Variants in NUDCD3 observed in about 807,000 individuals in gnomAD.
The protein encoded by NUDCD3 is NudC domain containing 3, also known as nudC domain-containing protein 3.
In NUDCD3, 13 loss-of-function variants were observed where a neutral mutation model predicts 39.7. The observed-to-expected ratio is 0.33, with a 90% CI of 0.21 to 0.52. The LOEUF is 0.52. Among genes scored for constraint, NUDCD3 ranks in the 20% least tolerant of loss-of-function variants. The pLI, the probability that NUDCD3 is intolerant of heterozygous loss-of-function variation, is 0.96. For synonymous variants in NUDCD3, 175 were observed against 172.4 expected, an observed-to-expected ratio of 1.02 and a Z score of -0.12; for missense variants, 453 against 458.1, an observed-to-expected ratio of 0.99 and a Z score of 0.10.
At chr7:44,456,028 A>AC (rs1384443738) in intron 2 of NUDCD3, among the ~76,000 whole-genome samples, 2 of 108,510 alleles carry the variant, frequency 1.8e-5, no homozygotes, top group Admixed American at 8.1e-5. Flanking sequence ...TCCGTCTCAA[A>AC]AAAAAAAAAA....
Position 44,485,113 on chromosome 7 carries a change from T to C in NUDCD3, c.364A>G (p.Thr122Ala). ...PVQEIEIDST[T>A]ELDGHQEVEK... ...ACTTCCTGATGCCCATCCAATTCTGTGGTGGAGTCAATCTCTATTTCCTGG... is the reference window on the plus strand; with the variant it reads ...ACTTCCTGATGCCCATCCAATTCTGCGGTGGAGTCAATCTCTATTTCCTGG... The change falls in exon 2 of 6, where the codon ACA (threonine) becomes GCA (alanine). Residue 122 changes from threonine (T) to alanine (A), a missense_variant. Coordinates refer to ENST00000355451, the MANE Select transcript of NUDCD3 (RefSeq NM_015332.4). The C allele has an allele frequency of 1.2e-6, 2 of 1,614,164 alleles. No homozygotes were observed. Among genetic ancestry groups the C allele is most frequent in the Non-Finnish European group, 1.7e-6 (2 of 1,180,022 alleles).
In NUDCD3 at chr7:44,452,198, T is replaced by C. The variant is rs951642220; in HGVS notation, c.510-24495A>G. ...TGGCTCACACCTGTAATCCCAGCACTTTGGGAGGCCAAGGCAGGATGATCG... is the reference window on the plus strand; with the variant it reads ...TGGCTCACACCTGTAATCCCAGCACCTTGGGAGGCCAAGGCAGGATGATCG... On this transcript the variant is annotated intron_variant, in intron 2 of 5. Coordinates refer to ENST00000355451, the MANE Select transcript of NUDCD3 (RefSeq NM_015332.4). Among the ~76,000 whole-genome samples, 6 of 152,200 alleles carry C rather than the reference T, an allele frequency of 3.9e-5. No homozygotes were observed. The South Asian group carries it at 1.0e-3, about 26-fold the overall frequency.
At chr7:44,447,537 G>C (rs1002849585) in intron 2 of NUDCD3, among the ~76,000 whole-genome samples, 1 of 152,144 alleles carries the variant, frequency 6.6e-6, no homozygotes, top group East Asian at 1.9e-4. Context: ...CTGTCACCAC[G>C]TGAGGACACA....
chr7:44,485,258 G>A lies in NUDCD3; in HGVS notation c.219C>T (p.Ala73=), dbSNP rs374771298. The A allele has an allele frequency of 1.2e-5, 19 of 1,612,772 alleles. No homozygotes were observed. In the African/African-American group the frequency reaches 1.6e-4, roughly 14 times the overall value. Residue 73 remains alanine, a synonymous_variant, in exon 2 of 6, where the codon GCC becomes GCT. Transcript: ENST00000355451. ...LQVFKTFDHM[A]RQDDEKRRQE... is the part of the protein sequence containing the mutation. Reference sequence around the variant, plus strand: ...GCCTTCTCTTCTCATCATCCTGACGGGCCATGTGGTCAAAGGTTTTGAATA... The same window carrying A: ...GCCTTCTCTTCTCATCATCCTGACGAGCCATGTGGTCAAAGGTTTTGAATA...
intron 2 of NUDCD3, among the ~76,000 whole-genome samples, chr7:44,437,107 T>C (rs1417466293): frequency 6.7e-6 from 1 of 149,274 alleles, no homozygotes; most frequent in Non-Finnish European, 1.5e-5. Context: ...ACTTGCTCTG[T>C]CATCCAGGCT....
chr7:44,392,895 C>G (rs938663452), intron 4 of NUDCD3, among the ~76,000 whole-genome samples: 1 of 152,124 alleles, frequency 6.6e-6, no homozygotes, highest in Non-Finnish European at 1.5e-5. Flanking sequence ...CCAGCCTGCC[C>G]CCATGCTTGC....
chr7:44,485,878 T>C (rs1224478958), intron 1 of NUDCD3, among the ~76,000 whole-genome samples: 1 of 152,166 alleles, frequency 6.6e-6, no homozygotes, highest in Non-Finnish European at 1.5e-5. Context: ...TTCTTAACAT[T>C]TTCTGGGAAA....
At chr7:44,469,719 T>C (rs1363838486) in intron 2 of NUDCD3, among the ~76,000 whole-genome samples, 1 of 151,708 alleles carries the variant, frequency 6.6e-6, no homozygotes, top group Non-Finnish European at 1.5e-5. Context: ...CATGACACAC[T>C]AAGGGCCCAC....
intron 3 of NUDCD3, among the ~76,000 whole-genome samples, chr7:44,409,091 G>C (rs183551559): frequency 6.6e-6 from 1 of 152,186 alleles, no homozygotes; most frequent in Non-Finnish European, 1.5e-5. Flanking sequence ...TAAAATGTCC[G>C]TGGGGGCTTT....
intron 3 of NUDCD3, among the ~76,000 whole-genome samples, chr7:44,424,834 C>T (rs985932858): frequency 6.6e-5 from 10 of 152,148 alleles, no homozygotes; most frequent in African/African-American, 2.4e-4. Flanking sequence ...TATAAAGATA[C>T]ATGCACATGT....
chr7:44,462,945 CTGTG>C (rs3138779), intron 2 of NUDCD3, among the ~76,000 whole-genome samples: 23,389 of 146,580 alleles, frequency 0.16, 2,007 homozygotes, highest in African/African-American at 0.24. Flanking sequence ...CACAACCAGG[CTGTG>C]TGTGTGTGTG....
At chr7:44,435,445 G>A (rs969583351) in intron 2 of NUDCD3, among the ~76,000 whole-genome samples, 1 of 152,144 alleles carries the variant, frequency 6.6e-6, no homozygotes, top group African/African-American at 2.4e-5. Flanking sequence ...AATAAATAAA[G>A]TCCACAATGG....
intron 3 of NUDCD3, among the ~76,000 whole-genome samples, chr7:44,412,792 T>C (rs1269589431): frequency 6.6e-6 from 1 of 151,842 alleles, no homozygotes; most frequent in African/African-American, 2.4e-5. Context: ...TTGGGCGTAG[T>C]GGCAGGCGCC....
chr7:44,432,993 G>C (rs549478340), intron 2 of NUDCD3, among the ~76,000 whole-genome samples: 1 of 152,330 alleles, frequency 6.6e-6, no homozygotes, highest in East Asian at 1.9e-4. Flanking sequence ...GCCTTTAGAA[G>C]GTGATTAGGT....
At chr7:44,462,602 G>A (rs972484346) in intron 2 of NUDCD3, among the ~76,000 whole-genome samples, 1 of 152,196 alleles carries the variant, frequency 6.6e-6, no homozygotes, top group South Asian at 2.1e-4. Flanking sequence ...CTCAAAGGGA[G>A]GGTAGGCCCT....
chr7:44,391,525 G>A (rs568860526), intron 5 of NUDCD3, among the ~76,000 whole-genome samples: 156 of 152,174 alleles, frequency 1.0e-3, no homozygotes, highest in Non-Finnish European at 2.1e-3. Context: ...GGGAGGAGGC[G>A]GTCCGTGTTT....
At chr7:44,464,192 T>G (rs1800074024) in intron 2 of NUDCD3, among the ~76,000 whole-genome samples, 1 of 148,632 alleles carries the variant, frequency 6.7e-6, no homozygotes. Flanking sequence ...CCAGCCTGGG[T>G]TAAAGAGCAA....
rs189182623 is a variant in NUDCD3 at position 44,453,075 on chromosome 7, G to A, written c.510-25372C>T. ...ACTTTAAAAATAAACAATGTTGGCC[G>A]GGTGCGGTGGCTCACGCCTGTAATC... On this transcript the variant is annotated intron_variant, in intron 2 of 5. Transcript: ENST00000355451. Among the ~76,000 whole-genome samples the A allele has an allele frequency of 1.5e-3, 222 of 152,308 alleles. 1 individual carries two copies. Among genetic ancestry groups the A allele is most frequent in the African/African-American group, 4.9e-3 (203 of 41,574 alleles).
At chr7:44,404,341 C>A in intron 4 of NUDCD3, 99 bp downstream of exon 4, 4 of 1,248,796 alleles carry the variant, frequency 3.2e-6, no homozygotes, top group Non-Finnish European at 4.5e-6. Context: ...AAATTAACAA[C>A]CTCACTGCTT....
Sources: allele counts gnomAD v4.1 joint callset (sites outside exome capture counted in the v4.1 genomes callset), GRCh38; gene constraint gnomAD v4.1.1; transcripts MANE v1.5; gene names NCBI Gene and HGNC (gene_info 2026-07-23, HGNC 2026-07-21).